SH2B1: variants seen among roughly 807,000 people sequenced by gnomAD.
SH2B1 encodes the protein SH2B adapter protein 1.
A neutral mutation model predicts 62.6 loss-of-function variants in SH2B1; 15 were observed. That is an observed-to-expected ratio of 0.24 (90% CI 0.16 to 0.37). SH2B1 has a LOEUF of 0.37. Ranked by LOEUF, SH2B1 falls within the 10% of genes least tolerant of loss-of-function variation. SH2B1 has a pLI of 1.00. For missense variants in SH2B1, 925 were observed against 1,015.6 expected (o/e 0.91, Z 1.21); for synonymous variants, 443 against 438.0 (o/e 1.01, Z -0.14).
At chr16:28,869,180 C>T in intron 3 of SH2B1, 28 bp from the exon 4 acceptor site, 1 of 1,613,938 alleles carries the variant, frequency 6.2e-7, no homozygotes, top group Non-Finnish European at 8.5e-7. Flanking sequence ...TGACTTTCCT[C>T]CCAGCACCAT....
In SH2B1 at chr16:28,865,008, A is replaced by G. The variant is rs1962608199; in HGVS notation, c.-1087A>G. The G allele has an allele frequency of 1.3e-6, 1 of 761,976 alleles. No homozygotes were observed. The highest frequency in any genetic ancestry group is 1.9e-5 in the African/African-American group (1 of 52,818). The allele number at this position is 761,976 out of a possible 1,614,324, so 47.2% of individuals were successfully genotyped here. A position where few individuals can be genotyped will look rare whatever the true frequency, so the allele number is the denominator to read the frequency against. The stretch of plus-strand genomic sequence containing the variant: ...ATTTGTTCAAGATAACATCGCTCAT[A>G]AGGTGGCTGGACTGGGTGCTCATAA... On this transcript the variant is annotated 5_prime_UTR_variant, in exon 1 of 8. The change creates a new upstream start codon in the 5' untranslated region. Transcript: ENST00000684370.
chr16:28,867,488 A>G, intron 2 of SH2B1, 56 bp downstream of exon 2: 1 of 1,333,628 alleles, frequency 7.5e-7, no homozygotes. Context: ...GAAAGCCCTC[A>G]GCGCATTTAA....
Position 28,873,775 on chromosome 16 carries a change from A to G in SH2B1, c.2226A>G (p.Glu742=). The G allele has an allele frequency of 1.4e-6, 2 of 1,468,976 alleles. No individual in the cohort carries two copies. The highest frequency in any genetic ancestry group is 1.8e-6 in the Non-Finnish European group (2 of 1,111,662). 91.0% of individuals were successfully genotyped at this position (1,468,976 alleles called of 1,614,324 possible). A position where few individuals can be genotyped will look rare whatever the true frequency, so the allele number is the denominator to read the frequency against. Residue 742 remains glutamate (E), a synonymous_variant, in exon 8 of 8, where the codon GAA becomes GAG. Transcript: ENST00000684370. This position sits in a 1 kb window ranked among gnomAD's most constrained non-coding sequence, Gnocchi z 4.2. ...CACCACTAGGGGGTGATGGAGAGGA[A>G]GGGGGCCACCCCAGGGCCATTAACA... ...QQSPLGGDGE[E]GGHPRAINNQ...
Position 28,855,637 on chromosome 16 carries a change from T to C in SH2B1, c.-300-5981T>C, listed in dbSNP as rs570431527. Among the ~76,000 whole-genome samples the C allele has an allele frequency of 1.8e-3, 259 of 141,716 alleles. 3 individuals carry two copies. Among genetic ancestry groups the C allele is most frequent in the Admixed American group, 2.6e-3 (34 of 13,164 alleles). The allele number at this position is 141,716 out of a possible 152,430, so 93.0% of individuals were successfully genotyped here. ...CTCGTGGCACTAAGAACTTATTTAT[T>C]TATTTATTTATTTTTTTTTTGAGAC... On this transcript the variant is annotated intron_variant, in intron 1 of 10. Coordinates refer to the SH2B1 transcript ENST00000322610.
At chr16:28,859,071 A>G (rs1179464531), upstream of SH2B1, among the ~76,000 whole-genome samples, 1 of 151,750 alleles carries the variant, frequency 6.6e-6, no homozygotes, top group Admixed American at 6.6e-5. Context: ...CCTCCCGAGT[A>G]GCTGGGATTA....
In SH2B1 at chr16:28,865,794, G is replaced by A; in HGVS notation, c.-301G>A. 1 of 1,174,568 alleles carries A rather than the reference G, an allele frequency of 8.5e-7. No individual in the cohort carries two copies. The highest frequency in any genetic ancestry group is 1.1e-6 in the Non-Finnish European group (1 of 950,104). 72.8% of individuals were successfully genotyped at this position (1,174,568 alleles called of 1,614,324 possible). On this transcript the variant is annotated 5_prime_UTR_variant, in exon 1 of 8. The change creates a new upstream start codon in the 5' untranslated region. Coordinates refer to ENST00000684370, the MANE Select transcript of SH2B1 (RefSeq NM_001387430.1). ...AAAGCTAAGGAAAGTGGGGGCAAAT[G>A]TGGCAGGCTCGGGGCAGGTTAGACG... is the stretch of plus-strand genomic sequence containing the variant.
intron 1 of SH2B1, among the ~76,000 whole-genome samples, chr16:28,858,707 A>C (rs1306557322): frequency 6.6e-6 from 1 of 152,118 alleles, no homozygotes; most frequent in African/African-American, 2.4e-5. Context: ...TGGGAGGCCA[A>C]GTCGGGCAGA....
chr16:28,872,027 A>C lies in SH2B1; in HGVS notation c.1513+44A>C, dbSNP rs745793224. The C allele has an allele frequency of 1.8e-5, 25 of 1,367,080 alleles. No individual in the cohort carries two copies. Among genetic ancestry groups the C allele is most frequent in the Non-Finnish European group, 2.4e-5 (23 of 956,728 alleles). 84.7% of individuals were successfully genotyped at this position (1,367,080 alleles called of 1,614,324 possible). On this transcript the variant is annotated intron_variant, in intron 5 of 7. Transcript: ENST00000684370. The surrounding 1 kb of genome is among the most constrained non-coding windows in gnomAD (Gnocchi z 5.3). ...TGCATGTCTCCAGGCCTGGGTGCCT[A>C]CCTTCCTGACCACCTCTCCTGGGAT...
chr16:28,849,059 A>T (rs1166424303), intron 1 of SH2B1, among the ~76,000 whole-genome samples: 1 of 152,164 alleles, frequency 6.6e-6, no homozygotes, highest in African/African-American at 2.4e-5. Flanking sequence ...CCTCCAGTTA[A>T]TCAGTTCTGC....
upstream of SH2B1, among the ~76,000 whole-genome samples, chr16:28,859,838 C>T (rs1482581205): frequency 2.0e-5 from 3 of 150,596 alleles, no homozygotes; most frequent in African/African-American, 7.4e-5. Flanking sequence ...GTCATCCTAT[C>T]TCTGATTTTT....
chr16:28,852,713 TAC>T (rs367656961), intron 1 of SH2B1, among the ~76,000 whole-genome samples: 1 of 49,070 alleles, frequency 2.0e-5, no homozygotes, highest in Non-Finnish European at 4.6e-5. Context: ...CATATATATT[TAC>T]ATATATATTT....
At chr16:28,852,765 T>C (rs1433034236) in intron 1 of SH2B1, among the ~76,000 whole-genome samples, 1 of 73,652 alleles carries the variant, frequency 1.4e-5, no homozygotes, top group African/African-American at 5.2e-5. Flanking sequence ...TATGTATATA[T>C]ATATTTATAT....
At chr16:28,851,050 T>G (rs1448524204) in intron 1 of SH2B1, among the ~76,000 whole-genome samples, 1 of 150,684 alleles carries the variant, frequency 6.6e-6, no homozygotes, top group Non-Finnish European at 1.5e-5. Flanking sequence ...GGCGCTTGCC[T>G]GTAGTCCCAG....
chr16:28,870,994 C>CGTGTGTGTGTGTGTGT (rs35079060), intron 4 of SH2B1, among the ~76,000 whole-genome samples: 7 of 141,424 alleles, frequency 4.9e-5, no homozygotes, highest in African/African-American at 1.3e-4. Flanking sequence ...GCCAGAATTC[C>CGTGTGTGTGTGTGTGT]GTGTGTGTGT....
chr16:28,872,865 GA>G lies in SH2B1; in HGVS notation c.1897+163del. 1 of 992,896 alleles carries G rather than the reference GA, an allele frequency of 1.0e-6. No individual in the cohort carries two copies. The highest frequency in any genetic ancestry group is 1.5e-6 in the Non-Finnish European group (1 of 656,574). The allele number at this position is 992,896 out of a possible 1,614,324, so 61.5% of individuals were successfully genotyped here. Reference sequence around the variant, plus strand: ...CTGTTGTGCCTCGGGGTTTGGAAGGGAAAGAAATGCGCTGATAGGACACAGG... The same window carrying G: ...CTGTTGTGCCTCGGGGTTTGGAAGGGAAGAAATGCGCTGATAGGACACAGG... On this transcript the variant is annotated intron_variant, in intron 7 of 7. Coordinates refer to ENST00000684370, the MANE Select transcript of SH2B1 (RefSeq NM_001387430.1). This position sits in a 1 kb window ranked among gnomAD's most constrained non-coding sequence, Gnocchi z 5.3.
intron 2 of SH2B1, among the ~76,000 whole-genome samples, chr16:28,867,749 C>T (rs1036366355): frequency 6.6e-6 from 1 of 152,212 alleles, no homozygotes; most frequent in African/African-American, 2.4e-5. Context: ...GCCTCGAACT[C>T]CTGGGCTCAA....
upstream of SH2B1, among the ~76,000 whole-genome samples, chr16:28,859,730 G>A (rs1962394839): frequency 6.6e-6 from 1 of 151,668 alleles, no homozygotes; most frequent in Middle Eastern, 3.2e-3. Context: ...AAGAGAGAGA[G>A]AAAAAGAAAG....
chr16:28,846,795 C>A, exon 1 of SH2B1: 1 of 157,058 alleles, frequency 6.4e-6, no homozygotes, highest in South Asian at 1.8e-4. Context: ...GCGGGTCTTG[C>A]GAGATATCTG....
chr16:28,853,594 A>G (rs938552157), intron 1 of SH2B1, among the ~76,000 whole-genome samples: 2 of 150,138 alleles, frequency 1.3e-5, no homozygotes, highest in Non-Finnish European at 3.0e-5. Flanking sequence ...GGCTCAAGCA[A>G]TCCTCCCACT....
Sources: allele counts gnomAD v4.1 joint callset (sites outside exome capture counted in the v4.1 genomes callset), GRCh38; gene constraint gnomAD v4.1.1; non-coding constraint Gnocchi (gnomAD v3.1); transcripts MANE v1.5; gene names NCBI Gene and HGNC (gene_info 2026-07-23, HGNC 2026-07-21).